FHAD1: variants seen among roughly 807,000 people sequenced by gnomAD.
FHAD1 encodes forkhead-associated domain-containing protein 1.
A neutral mutation model predicts 191.3 loss-of-function variants in FHAD1; 146 were observed. The ratio of observed to expected loss-of-function variants is 0.76; its 90% confidence interval spans 0.67 to 0.88. The LOEUF (loss-of-function observed/expected upper bound fraction) is 0.88, where lower values mean the gene tolerates loss of function less well. FHAD1 is among the 40% of genes least tolerant of loss of function. The pLI, the probability that FHAD1 is intolerant of heterozygous loss-of-function variation, is 0.00. For missense variants in FHAD1, 1,635 were observed against 1,785.8 expected, an observed-to-expected ratio of 0.92 and a Z score of 1.52; for synonymous variants, 616 against 672.3, an observed-to-expected ratio of 0.92 and a Z score of 1.29.
upstream of FHAD1, among the ~76,000 whole-genome samples, chr1:15,244,774 A>G (rs1179100778): frequency 7.1e-6 from 1 of 140,008 alleles, no homozygotes; most frequent in East Asian, 1.9e-4. This position sits in a 1 kb window ranked among gnomAD's most constrained non-coding sequence, Gnocchi z 5.1. Context: ...AGGGAGACAC[A>G]ATAAATAACA....
rs962374844 is a variant in FHAD1, at chr1:15,276,406, A to G, written c.300+3877A>G. ...AAATAACTTACCCATGGAGTGACAT[A>G]CAAGGTAGAAAAACAGAAAGAAACT... On this transcript the variant is annotated intron_variant, in intron 3 of 33. Transcript: ENST00000688493. This position sits in a 1 kb window ranked among gnomAD's most constrained non-coding sequence, Gnocchi z 4.7. Among the ~76,000 whole-genome samples, 1 of 152,256 alleles carries G rather than the reference A, an allele frequency of 6.6e-6. No individual in the cohort carries two copies. Among genetic ancestry groups the G allele is most frequent in the Non-Finnish European group, 1.5e-5 (1 of 68,044 alleles).
chr1:15,353,704 CAAAAAAAAAAAAAA>C (rs60518389), intron 20 of FHAD1, among the ~76,000 whole-genome samples: 2 of 60,974 alleles, frequency 3.3e-5, no homozygotes, highest in Non-Finnish European at 5.7e-5. Context: ...GACTCCATCT[CAAAAAAAAAAAAAA>C]AAAAAAAAGA....
chr1:15,247,840 C>T (rs548165392), intron 1 of FHAD1, among the ~76,000 whole-genome samples: 4 of 152,318 alleles, frequency 2.6e-5, no homozygotes, highest in African/African-American at 9.6e-5. Flanking sequence ...AATTTTGCTT[C>T]TCTATCTCAC....
chr1:15,346,007 C>T (rs1688786346), intron 18 of FHAD1, among the ~76,000 whole-genome samples: 1 of 152,166 alleles, frequency 6.6e-6, no homozygotes, highest in Non-Finnish European at 1.5e-5. Flanking sequence ...GTGTCAAACT[C>T]TTACGCCCCG....
intron 24 of FHAD1, 105 bp downstream of exon 24, chr1:15,366,038 A>G: frequency 1.3e-6 from 1 of 756,220 alleles, no homozygotes; most frequent in Non-Finnish European, 2.1e-6. Context: ...CTATAATCCC[A>G]GCACTTTGGG....
chr1:15,385,183 G>GT (rs1334627294), intron 31 of FHAD1, among the ~76,000 whole-genome samples: 4 of 150,156 alleles, frequency 2.7e-5, no homozygotes, highest in East Asian at 1.9e-4. Context: ...AGAGAAAACA[G>GT]TTTTTTTTCA....
intron 13 of FHAD1, chr1:15,328,679 C>T (rs1202856532): frequency 1.4e-5 from 5 of 352,068 alleles, no homozygotes; most frequent in East Asian, 8.9e-5. Context: ...TTGAGCGGCC[C>T]GCATCCCCAG....
Position 15,367,554 on chromosome 1 carries a change from G to C in FHAD1, c.3246G>C (p.Lys1082Asn), listed in dbSNP as rs1271818683. ...QSKELSVLKE[K>N]MAQMSSLVEK... ...AGGAGCTGAGTGTGCTCAAGGAGAA[G>C]ATGGCCCAGATGAGCAGCCTGGTAG... is the stretch of plus-strand genomic sequence containing the variant. Residue 1082 changes from lysine (K) to asparagine (N), a missense_variant, in exon 25 of 34, where the codon AAG becomes AAC. Physicochemically the swap from Lys to Asn is moderately conservative, Grantham distance 94. Transcript: ENST00000688493. The C allele has an allele frequency of 8.5e-6, 13 of 1,529,922 alleles. No homozygotes were observed. In the Admixed American group the frequency reaches 1.8e-4, roughly 21 times the overall value. 94.8% of individuals were successfully genotyped at this position (1,529,922 alleles called of 1,614,324 possible).
chr1:15,339,452 T>TA, intron 14 of FHAD1, 29 bp from the exon 15 acceptor site: 1 of 1,120,136 alleles, frequency 8.9e-7, no homozygotes, highest in Non-Finnish European at 1.2e-6. Flanking sequence ...AATTGATACT[T>TA]ACATTCTTCC....
At chr1:15,258,098 T>C (rs1278074174) in intron 2 of FHAD1, among the ~76,000 whole-genome samples, 1 of 152,158 alleles carries the variant, frequency 6.6e-6, no homozygotes, top group Non-Finnish European at 1.5e-5. Context: ...TGCCTCAGCC[T>C]CCCAAAGTGC....
At chr1:15,301,586 G>A in intron 6 of FHAD1, 145 bp downstream of exon 6, 1 of 673,996 alleles carries the variant, frequency 1.5e-6, no homozygotes, top group Non-Finnish European at 2.5e-6. Flanking sequence ...CACAAGACTG[G>A]GAGATTCGGC....
Position 15,301,185 on chromosome 1 carries a change from C to T in FHAD1, c.679-20C>T. ...ACCTAGGCCCACACCTAGTAAGCCT[C>T]CCATCTGATCTCTACCCAGGATGAA... On this transcript the variant is annotated intron_variant, in intron 5 of 33. Coordinates refer to ENST00000688493, the MANE Select transcript of FHAD1 (RefSeq NM_001391957.1). 6.5e-7 allele frequency: 1 copy of T among 1,549,030 alleles called. No individual in the cohort carries two copies. The highest frequency in any genetic ancestry group is 8.7e-7 in the Non-Finnish European group (1 of 1,144,934).
At chr1:15,402,958 A>G (rs563372825), downstream of FHAD1, 3 of 152,328 alleles carry the variant, frequency 2.0e-5, no homozygotes, top group South Asian at 6.2e-4. Flanking sequence ...GCAGCATGAT[A>G]TGTAAATGAA....
At chr1:15,286,638 A>G (rs1662534707) in intron 3 of FHAD1, among the ~76,000 whole-genome samples, 1 of 152,144 alleles carries the variant, frequency 6.6e-6, no homozygotes, top group Non-Finnish European at 1.5e-5. Context: ...CTTGGCTCTG[A>G]TTGGATCACA....
chr1:15,305,479 C>T (rs756984698), intron 6 of FHAD1, among the ~76,000 whole-genome samples: 28 of 152,286 alleles, frequency 1.8e-4, no homozygotes, highest in Non-Finnish European at 3.4e-4. Flanking sequence ...CCGACTGATC[C>T]GTGCAATCCC....
At position 15,312,900 on chromosome 1, in the gene FHAD1, G is replaced by A. The variant is rs1486350848; in HGVS notation, c.1040-157G>A. ...CTCACTGGGACCTTGAACAAATGAT[G>A]TGCAGTGGATATTGGTCTCAACCCC... On this transcript the variant is annotated intron_variant, in intron 7 of 33. Coordinates refer to ENST00000688493, the MANE Select transcript of FHAD1 (RefSeq NM_001391957.1). This position sits in a 1 kb window ranked among gnomAD's most constrained non-coding sequence, Gnocchi z 4.7. 1.3e-5 allele frequency among the ~76,000 whole-genome samples: 2 copies of A among 152,200 alleles called. No individual in the cohort carries two copies. The highest frequency in any genetic ancestry group is 2.1e-4 in the South Asian group (1 of 4,828).
At position 15,327,241 on chromosome 1, in the gene FHAD1, G is replaced by C. The variant is rs1349142017; in HGVS notation, c.1557+99G>C. ...CCTGGGAGCATATGTTTCTGTTTTT[G>C]TTGGTGGCATATTTTTCACACTGTT... On this transcript the variant is annotated intron_variant, in intron 12 of 33. Transcript: ENST00000688493. The surrounding 1 kb of genome is among the most constrained non-coding windows in gnomAD (Gnocchi z 5.1). 1.3e-6 allele frequency: 1 copy of C among 749,006 alleles called. No individual in the cohort carries two copies. 46.4% of individuals were successfully genotyped at this position (749,006 alleles called of 1,614,324 possible). A position where few individuals can be genotyped will look rare whatever the true frequency, so the allele number is the denominator to read the frequency against.
Position 15,339,797 on chromosome 1 carries a change from T to A in FHAD1, c.1977+246T>A, listed in dbSNP as rs962107860. ...CCTCCTGGGCCAACCACACTGTTTGTTTTCCTCTGTCAAAGGCCCAGAAGA... is the reference window on the plus strand; with the variant it reads ...CCTCCTGGGCCAACCACACTGTTTGATTTCCTCTGTCAAAGGCCCAGAAGA... On this transcript the variant is annotated intron_variant, in intron 15 of 33. Coordinates refer to ENST00000688493, the MANE Select transcript of FHAD1 (RefSeq NM_001391957.1). Among the ~76,000 whole-genome samples, 4 of 152,046 alleles carry A rather than the reference T, an allele frequency of 2.6e-5. No individual in the cohort carries two copies. In the South Asian group the frequency reaches 8.3e-4, roughly 32 times the overall value.
chr1:15,265,450 A>G (rs1223686609), intron 2 of FHAD1, among the ~76,000 whole-genome samples: 2 of 152,206 alleles, frequency 1.3e-5, no homozygotes, highest in South Asian at 2.1e-4. Flanking sequence ...AGTTTTTTGC[A>G]GTTATCTAAA....
Sources: gnomAD v4.1 joint callset for allele counts (sites outside exome capture counted in the v4.1 genomes callset) on GRCh38, gnomAD v4.1.1 for gene constraint, Gnocchi (gnomAD v3.1) non-coding constraint, MANE v1.5 for transcripts, NCBI Gene and HGNC (gene_info 2026-07-23, HGNC 2026-07-21) for gene names.